TMEM132B: variants seen among roughly 807,000 people sequenced by gnomAD.
The protein encoded by TMEM132B is transmembrane protein 132B.
A neutral mutation model predicts 90.8 loss-of-function variants in TMEM132B; 18 were observed. That is an observed-to-expected ratio of 0.20 (90% CI 0.14 to 0.29). The LOEUF is 0.29. Ranked by LOEUF, TMEM132B falls within the 10% of genes least tolerant of loss-of-function variation. The pLI is 1.00. For missense variants in TMEM132B, 1,096 were observed against 1,326.8 expected (o/e 0.83, Z 2.70); for synonymous variants, 504 against 523.3 (o/e 0.96, Z 0.50).
chr12:125,210,633 G>A (rs1006760226), intron 1 of TMEM132B, among the ~76,000 whole-genome samples: 2 of 152,128 alleles, frequency 1.3e-5, no homozygotes, highest in Non-Finnish European at 2.9e-5. Context: ...TGGGGTGGCA[G>A]GGGAGGTGGA....
At chr12:125,551,821 C>T (rs764898181) in intron 4 of TMEM132B, among the ~76,000 whole-genome samples, 3 of 152,128 alleles carry the variant, frequency 2.0e-5, no homozygotes, top group Non-Finnish European at 4.4e-5. Context: ...TGCCATGGGT[C>T]TGTCATTCTT....
chr12:125,454,404 G>T (rs1378527187), intron 3 of TMEM132B, among the ~76,000 whole-genome samples: 1 of 151,920 alleles, frequency 6.6e-6, no homozygotes, highest in Non-Finnish European at 1.5e-5. Flanking sequence ...GTGTGTGTGT[G>T]TGTGTGTGTG....
At chr12:125,428,374 G>A (rs1880394041) in intron 3 of TMEM132B, among the ~76,000 whole-genome samples, 1 of 151,780 alleles carries the variant, frequency 6.6e-6, no homozygotes, top group Non-Finnish European at 1.5e-5. Flanking sequence ...TTATTCTTAT[G>A]TCATTATTTT....
chr12:125,260,876 A>T (rs925437889), intron 1 of TMEM132B, among the ~76,000 whole-genome samples: 3 of 151,634 alleles, frequency 2.0e-5, no homozygotes, highest in Non-Finnish European at 4.4e-5. Context: ...TGATTTCACC[A>T]CTGCACTGCA....
At chr12:125,602,738 T>G (rs1885601067) in intron 5 of TMEM132B, among the ~76,000 whole-genome samples, 1 of 152,210 alleles carries the variant, frequency 6.6e-6, no homozygotes, top group Non-Finnish European at 1.5e-5. Flanking sequence ...GCCCAAAAAC[T>G]CCTTAAGCTG....
At chr12:125,483,643 A>G (rs995550356) in intron 3 of TMEM132B, among the ~76,000 whole-genome samples, 1 of 152,080 alleles carries the variant, frequency 6.6e-6, no homozygotes, top group Admixed American at 6.5e-5. Flanking sequence ...GCAAGAAGAG[A>G]ATTTATTAGG....
At chr12:125,585,140 G>A (rs1885150640) in intron 5 of TMEM132B, 1 of 152,210 alleles carries the variant, frequency 6.6e-6, no homozygotes, top group Non-Finnish European at 1.5e-5. Flanking sequence ...AAAAAAGACT[G>A]ATGTATTCGT....
rs539636747 is a variant in TMEM132B, at chr12:125,509,872, A to G, written c.1107-9567A>G. Among the ~76,000 whole-genome samples the G allele has an allele frequency of 8.5e-5, 13 of 152,170 alleles. No homozygotes were observed. In the East Asian group the frequency reaches 2.5e-3, roughly 29 times the overall value. ...TCTGGAGTCTGGAGTCTGTCATTCG[A>G]TTTCTCATGTCTGTCAGCATGGGTT... On this transcript the variant is annotated intron_variant, in intron 3 of 8. Coordinates refer to ENST00000682704, the MANE Select transcript of TMEM132B (RefSeq NM_001366854.1).
chr12:125,241,179 G>T (rs562826976), intron 1 of TMEM132B, among the ~76,000 whole-genome samples: 2 of 152,146 alleles, frequency 1.3e-5, no homozygotes, highest in Non-Finnish European at 2.9e-5. Context: ...TAAGGAAAAA[G>T]AAATTTGAGA....
At position 125,486,118 on chromosome 12, in the gene TMEM132B, G is replaced by A. The variant is rs373296722; in HGVS notation, c.1107-33321G>A. 9.9e-5 allele frequency among the ~76,000 whole-genome samples: 15 copies of A among 152,244 alleles called. 1 individual carries two copies. In the South Asian group the frequency reaches 3.1e-3, roughly 32 times the overall value. On this transcript the variant is annotated intron_variant, in intron 3 of 8. Transcript: ENST00000682704. Reference sequence around the variant, plus strand: ...ATATCACTTATGGCTTCATTATGCTGCATTCGTCTAAGTCCTAGACCTGTC... The same window carrying A: ...ATATCACTTATGGCTTCATTATGCTACATTCGTCTAAGTCCTAGACCTGTC...
chr12:125,549,530 A>G (rs1884168594), intron 4 of TMEM132B, among the ~76,000 whole-genome samples: 1 of 152,230 alleles, frequency 6.6e-6, no homozygotes, highest in Non-Finnish European at 1.5e-5. Flanking sequence ...AACACAGCAC[A>G]AAGCATTTTA....
intron 3 of TMEM132B, among the ~76,000 whole-genome samples, chr12:125,487,163 T>C (rs925579115): frequency 1.3e-5 from 2 of 152,182 alleles, no homozygotes; most frequent in African/African-American, 4.8e-5. Context: ...TTGTTTATTA[T>C]AACAGGTACA....
rs147603535 is a variant in TMEM132B, at chr12:125,567,669, C to T, written c.1294-16182C>T. ...AAGTGCTTCCTCGACCATTTCTCTC[C>T]GTAATGCCATCCACTCAGTTTTAGG... On this transcript the variant is annotated intron_variant, in intron 4 of 8. Transcript: ENST00000682704. Among the ~76,000 whole-genome samples the T allele has an allele frequency of 9.3e-4, 142 of 152,310 alleles. 1 individual carries two copies. Among genetic ancestry groups the T allele is most frequent in the African/African-American group, 3.1e-3 (128 of 41,556 alleles).
intron 1 of TMEM132B, among the ~76,000 whole-genome samples, chr12:125,283,536 A>G (rs533095903): frequency 6.6e-6 from 1 of 152,192 alleles, no homozygotes; most frequent in African/African-American, 2.4e-5. Flanking sequence ...GAGAACAAGT[A>G]ATCTGGCCCG....
At chr12:125,521,206 C>T (rs568780959) in intron 4 of TMEM132B, among the ~76,000 whole-genome samples, 1 of 152,262 alleles carries the variant, frequency 6.6e-6, no homozygotes, top group South Asian at 2.1e-4. Context: ...TCCTCTACTT[C>T]CACCTTCTCC....
intron 1 of TMEM132B, among the ~76,000 whole-genome samples, chr12:125,264,187 TCG>T (rs1282967448): frequency 6.6e-6 from 1 of 152,154 alleles, no homozygotes; most frequent in Non-Finnish European, 1.5e-5. Flanking sequence ...CCTGTCTCCA[TCG>T]TCACATCGCT....
intron 1 of TMEM132B, among the ~76,000 whole-genome samples, chr12:125,334,510 G>T (rs540560043): frequency 6.0e-4 from 92 of 152,270 alleles, no homozygotes; most frequent in African/African-American, 2.1e-3. Context: ...GACCTGACAG[G>T]GTTCCTTGGT....
Position 125,326,771 on chromosome 12 carries a change from C to T in TMEM132B, c.68-22681C>T, listed in dbSNP as rs992041532. 17 of 1,279,868 alleles carry T rather than the reference C, an allele frequency of 1.3e-5. No homozygotes were observed. In the African/African-American group the frequency reaches 1.5e-4, roughly 11 times the overall value. The allele number at this position is 1,279,868 out of a possible 1,614,324, so 79.3% of individuals were successfully genotyped here. Reference sequence around the variant, plus strand: ...ATGTCCTATTCAGATTCTCCCTTTGCAGCAAACTTCTTGAAAGAGTTGCCT... The same window carrying T: ...ATGTCCTATTCAGATTCTCCCTTTGTAGCAAACTTCTTGAAAGAGTTGCCT... On this transcript the variant is annotated intron_variant, in intron 1 of 8. Transcript: ENST00000682704.
chr12:125,188,852 CAAAAAAAAAA>C (rs72059024), intron 1 of TMEM132B, among the ~76,000 whole-genome samples: 1 of 91,240 alleles, frequency 1.1e-5, no homozygotes, highest in Admixed American at 1.2e-4. Context: ...GGAGGGATGG[CAAAAAAAAAA>C]AAAAAAAAAA....
Sources: allele counts gnomAD v4.1 joint callset (sites outside exome capture counted in the v4.1 genomes callset), GRCh38; gene constraint gnomAD v4.1.1; transcripts MANE v1.5; gene names NCBI Gene and HGNC (gene_info 2026-07-23, HGNC 2026-07-21).